Variants in KMT2E observed in about 807,000 individuals in gnomAD.
The protein encoded by KMT2E is lysine methyltransferase 2E (inactive), also known as histone reader KMT2E.
Under a neutral mutation model 184.6 loss-of-function variants are expected in KMT2E, and 30 were observed. The ratio of observed to expected loss-of-function variants is 0.16; its 90% CI spans 0.12 to 0.22. KMT2E has a LOEUF of 0.22. Among genes scored for constraint, KMT2E ranks in the 10% least tolerant of loss-of-function variants. The pLI is 1.00. For missense variants in KMT2E, 2,023 were observed against 2,237.4 expected, an observed-to-expected ratio of 0.90 and a Z score of 1.93; for synonymous variants, 815 against 776.5, an observed-to-expected ratio of 1.05 and a Z score of -0.82.
At chr7:105,014,888 C>T (rs1356343333) in intron 1 of KMT2E, among the ~76,000 whole-genome samples, 16 of 152,092 alleles carry the variant, frequency 1.1e-4, no homozygotes, top group Admixed American at 9.8e-4. Flanking sequence ...GGGTTTGTGT[C>T]GAAGTGGTCC....
At position 105,113,600 on chromosome 7, in the gene KMT2E, C is replaced by CT. The variant is rs35249094; in HGVS notation, c.*281dup. The CT allele has an allele frequency of 0.013, 2,639 of 204,436 alleles. 3 individuals are homozygous for CT. Among genetic ancestry groups the CT allele is most frequent in the Non-Finnish European group, 0.018 (1,862 of 104,322 alleles). 12.7% of individuals were successfully genotyped at this position (204,436 alleles called of 1,614,324 possible). Reference sequence around the variant, plus strand: ...TGATGCTGATTTGATGCTGTATGATCTTTTTTTTTTTTTTAGTTAAATTCA... The same window carrying CT: ...TGATGCTGATTTGATGCTGTATGATCTTTTTTTTTTTTTTTAGTTAAATTCA... On this transcript the variant is annotated 3_prime_UTR_variant, in exon 27 of 27. Transcript: ENST00000311117.
intron 15 of KMT2E, among the ~76,000 whole-genome samples, chr7:105,095,986 G>A (rs956701805): frequency 6.6e-6 from 1 of 152,172 alleles, no homozygotes; most frequent in Non-Finnish European, 1.5e-5. Flanking sequence ...TGGGCTTGGT[G>A]GCTCACGCCT....
Position 105,110,696 on chromosome 7 carries a change from T to G in KMT2E, c.3971-75T>G, listed in dbSNP as rs562282241. 1.5e-5 allele frequency: 23 copies of G among 1,581,226 alleles called. 1 individual carries two copies. In the South Asian group the frequency reaches 2.2e-4, roughly 15 times the overall value. On this transcript the variant is annotated intron_variant, in intron 25 of 26. Transcript: ENST00000311117. ...AAAAGTTGGTTTGGATAGTAGAATG[T>G]ATGTTGCTTTGTGGTGTTAAAACAG...
intron 5 of KMT2E, among the ~76,000 whole-genome samples, chr7:105,065,583 C>T (rs1796994995): frequency 6.6e-6 from 1 of 152,048 alleles, no homozygotes; most frequent in African/African-American, 2.4e-5. Flanking sequence ...TACATAAATA[C>T]CTATGATAAA....
intron 15 of KMT2E, among the ~76,000 whole-genome samples, chr7:105,092,718 G>A (rs187618023): frequency 5.3e-5 from 8 of 152,236 alleles, no homozygotes; most frequent in African/African-American, 1.9e-4. Flanking sequence ...TCTTTATTGA[G>A]TATTGATTTT....
chr7:105,090,978 T>C (rs1416060800), intron 14 of KMT2E, among the ~76,000 whole-genome samples: 1 of 152,192 alleles, frequency 6.6e-6, no homozygotes, highest in East Asian at 1.9e-4. Flanking sequence ...CATGCTACCA[T>C]ATTTGACCTA....
intron 3 of KMT2E, among the ~76,000 whole-genome samples, chr7:105,055,723 T>G (rs1353185383): frequency 6.6e-6 from 1 of 152,198 alleles, no homozygotes; most frequent in Non-Finnish European, 1.5e-5. Flanking sequence ...GCATGTGTGC[T>G]TTCTGTCTGG....
intron 5 of KMT2E, chr7:105,064,164 G>GTGTTTT (rs1796933910): frequency 2.7e-5 from 2 of 74,154 alleles, no homozygotes; most frequent in East Asian, 7.5e-4. Context: ...TTTTTTCTTG[G>GTGTTTT]TTTTTTTTTT....
intron 1 of KMT2E, among the ~76,000 whole-genome samples, chr7:105,018,014 G>GA (rs1051846315): frequency 6.6e-6 from 1 of 152,114 alleles, no homozygotes; most frequent in African/African-American, 2.4e-5. Flanking sequence ...AGGCAGTAGG[G>GA]AGAAAAGCTA....
At chr7:105,037,213 G>GGCTC (rs1421640479) in intron 1 of KMT2E, among the ~76,000 whole-genome samples, 1 of 152,104 alleles carries the variant, frequency 6.6e-6, no homozygotes, top group Non-Finnish European at 1.5e-5. Flanking sequence ...ATAAAGGACA[G>GGCTC]AAATATAATA....
In KMT2E at chr7:105,076,870, TTTTGTGTG is replaced by T. The variant is rs1562910589; in HGVS notation, c.769-91_769-84del. On this transcript the variant is annotated intron_variant, in intron 9 of 26. Coordinates refer to ENST00000311117, the MANE Select transcript of KMT2E (RefSeq NM_182931.3). ...GTTCTTTTGTATAGATTGCCGTTAA[TTTTGTGTG>T]TGTGTGTGTGTGTGTGTGTGTGTGT... 1.3e-5 allele frequency: 10 copies of T among 774,412 alleles called. No homozygotes were observed. In the East Asian group the frequency reaches 2.7e-4, roughly 21 times the overall value. 48.0% of individuals were successfully genotyped at this position (774,412 alleles called of 1,614,324 possible).
chr7:105,090,588 C>T (rs1414990044), intron 14 of KMT2E, among the ~76,000 whole-genome samples: 1 of 152,096 alleles, frequency 6.6e-6, no homozygotes, highest in Admixed American at 6.6e-5. Context: ...AAGTCTTAAG[C>T]TGCAAAATTT....
At chr7:105,025,866 A>C (rs1253506766) in intron 1 of KMT2E, among the ~76,000 whole-genome samples, 1 of 152,186 alleles carries the variant, frequency 6.6e-6, no homozygotes, top group Non-Finnish European at 1.5e-5. Context: ...AAAAGATTAC[A>C]GGGAAAAAAT....
In KMT2E at chr7:105,109,164, A is replaced by G. The variant is rs1799056563; in HGVS notation, c.3691A>G (p.Thr1231Ala). Reference sequence around the variant, plus strand: ...AGTTTATAATGCCACTTCTGAAGAAACTAGCAATAACTGCCCTGTTAAGGA... The same window carrying G: ...AGTTTATAATGCCACTTCTGAAGAAGCTAGCAATAACTGCCCTGTTAAGGA... ...ATVYNATSEE[T>A]SNNCPVKDAT... The change falls in exon 23 of 27, where the codon ACT becomes GCT. Residue 1231 changes from threonine to alanine, a missense_variant. Thr to Ala is a moderately conservative substitution (Grantham distance 58). Coordinates refer to ENST00000311117, the MANE Select transcript of KMT2E (RefSeq NM_182931.3). The G allele has an allele frequency of 1.2e-6, 2 of 1,614,014 alleles. No individual in the cohort carries two copies. Among genetic ancestry groups the G allele is most frequent in the African/African-American group, 1.3e-5 (1 of 74,932 alleles).
Position 105,045,068 on chromosome 7 carries a change from C to T in KMT2E, c.71+4045C>T, listed in dbSNP as rs778626076. Among the ~76,000 whole-genome samples the T allele has an allele frequency of 5.9e-5, 9 of 152,146 alleles. No homozygotes were observed. In the East Asian group the frequency reaches 7.7e-4, roughly 13 times the overall value. ...TTCCTCTAATTCCTGTAATTGGGCA[C>T]GGTCTAAAATGTAGGTCCATTCAGA... On this transcript the variant is annotated intron_variant, in intron 3 of 26. Transcript: ENST00000311117.
At chr7:105,016,835 A>G (rs1794734918) in intron 1 of KMT2E, among the ~76,000 whole-genome samples, 1 of 152,242 alleles carries the variant, frequency 6.6e-6, no homozygotes, top group South Asian at 2.1e-4. Flanking sequence ...TGACTGTATC[A>G]ACTAGGTTGA....
intron 5 of KMT2E, chr7:105,063,973 C>A (rs1432967825): frequency 6.7e-6 from 3 of 449,490 alleles, no homozygotes; most frequent in African/African-American, 2.0e-5. Context: ...TAAACATTTT[C>A]ATTGATGTTT....
intron 1 of KMT2E, among the ~76,000 whole-genome samples, chr7:105,022,284 T>C (rs1794987171): frequency 1.3e-5 from 2 of 152,174 alleles, no homozygotes. Context: ...TTGCATTTAG[T>C]TTTGTTGTCC....
chr7:105,026,100 G>T (rs1257097091), intron 1 of KMT2E, among the ~76,000 whole-genome samples: 1 of 152,076 alleles, frequency 6.6e-6, no homozygotes, highest in African/African-American at 2.4e-5. Flanking sequence ...CAGTATTTAA[G>T]ATACATGTAT....
Sources: allele counts gnomAD v4.1 joint callset (sites outside exome capture counted in the v4.1 genomes callset), GRCh38; gene constraint gnomAD v4.1.1; transcripts MANE v1.5; gene names NCBI Gene and HGNC (gene_info 2026-07-23, HGNC 2026-07-21).